SPATA17: variants seen among roughly 807,000 people sequenced by gnomAD.
SPATA17 encodes spermatogenesis-associated protein 17.
SPATA17 carries 53 observed loss-of-function variants against 62.2 expected under a neutral mutation model. That is an observed-to-expected ratio of 0.85 (90% CI 0.68 to 1.07). SPATA17 has a LOEUF of 1.07. Ranked by LOEUF, SPATA17 falls within the 50% of genes least tolerant of loss-of-function variation. The pLI, the probability that SPATA17 is intolerant of heterozygous loss-of-function variation, is 0.00. For synonymous variants in SPATA17, 146 were observed against 146.8 expected (o/e 0.99, Z 0.04); for missense variants, 466 against 425.5 (o/e 1.10, Z -0.84).
At chr1:217,801,599 T>C (rs1674313772) in intron 8 of SPATA17, 119 bp from the exon 9 acceptor site, 1 of 730,052 alleles carries the variant, frequency 1.4e-6, no homozygotes, top group Non-Finnish European at 2.1e-6. Context: ...AATCTAGGTA[T>C]TCTGATTCTA....
chr1:217,641,531 TAAG>T (rs2102877334), intron 1 of SPATA17, among the ~76,000 whole-genome samples: 1 of 152,090 alleles, frequency 6.6e-6, no homozygotes, highest in Non-Finnish European at 1.5e-5. Flanking sequence ...ATGAAGATAA[TAAG>T]GAGTTAATGG....
At chr1:217,859,154 TATAA>T (rs1286309805) in intron 9 of SPATA17, among the ~76,000 whole-genome samples, 1 of 146,708 alleles carries the variant, frequency 6.8e-6, no homozygotes, top group Non-Finnish European at 1.5e-5. Context: ...TAATTTTATA[TATAA>T]TATATAAAAT....
chr1:217,685,876 G>A (rs1274352094), intron 5 of SPATA17, among the ~76,000 whole-genome samples: 1 of 152,164 alleles, frequency 6.6e-6, no homozygotes, highest in Non-Finnish European at 1.5e-5. Context: ...AAGAGAAAGA[G>A]TGAGCGAGAA....
At chr1:217,705,430 C>CTTTTTTTTTTTTTTTTTTTTT (rs58138326) in intron 5 of SPATA17, among the ~76,000 whole-genome samples, 2 of 46,606 alleles carry the variant, frequency 4.3e-5, no homozygotes, top group Non-Finnish European at 7.3e-5. Context: ...TTCTAGTTGT[C>CTTTTTTTTTTTTTTTTTTTTT]TTTTTTTTTT....
intron 8 of SPATA17, 116 bp downstream of exon 8, chr1:217,782,438 C>A: frequency 8.8e-7 from 1 of 1,141,010 alleles, no homozygotes; most frequent in Admixed American, 3.4e-5. Context: ...GGTAAAGCCA[C>A]CCCTGACCTG....
At chr1:217,791,841 C>G (rs1216374865) in intron 8 of SPATA17, among the ~76,000 whole-genome samples, 2 of 152,106 alleles carry the variant, frequency 1.3e-5, no homozygotes, top group African/African-American at 2.4e-5. Context: ...TCAATGGGGT[C>G]AGAGGCCAGA....
chr1:217,658,423 C>A (rs1670488194), intron 3 of SPATA17, among the ~76,000 whole-genome samples: 1 of 152,146 alleles, frequency 6.6e-6, no homozygotes, highest in Non-Finnish European at 1.5e-5. Flanking sequence ...GATGCTGATA[C>A]CACATACAGA....
chr1:217,635,050 T>A (rs568626622), intron 1 of SPATA17, among the ~76,000 whole-genome samples: 4 of 152,252 alleles, frequency 2.6e-5, no homozygotes, highest in African/African-American at 9.6e-5. Flanking sequence ...GAGAAAAGAG[T>A]TCAGTATATG....
At chr1:217,647,509 T>G (rs1359935606) in intron 1 of SPATA17, among the ~76,000 whole-genome samples, 34 of 152,202 alleles carry the variant, frequency 2.2e-4, no homozygotes. Context: ...TCCTTCGATG[T>G]TTCAAGTTTA....
intron 5 of SPATA17, among the ~76,000 whole-genome samples, chr1:217,732,727 C>G (rs1672427828): frequency 6.6e-6 from 1 of 152,008 alleles, no homozygotes; most frequent in Admixed American, 6.6e-5. Context: ...AATATCTGCC[C>G]CCTACCAACC....
chr1:217,805,494 T>C (rs1242937063), intron 9 of SPATA17, among the ~76,000 whole-genome samples: 1 of 151,990 alleles, frequency 6.6e-6, no homozygotes, highest in African/African-American at 2.4e-5. Context: ...TAATAATGTA[T>C]TGTATACTTG....
chr1:217,684,464 G>A (rs1671170092), intron 5 of SPATA17, among the ~76,000 whole-genome samples: 1 of 151,936 alleles, frequency 6.6e-6, no homozygotes, highest in Non-Finnish European at 1.5e-5. Flanking sequence ...ACGCAGGCTG[G>A]AGTGCAGTGG....
intron 5 of SPATA17, among the ~76,000 whole-genome samples, chr1:217,735,535 G>C (rs1162725240): frequency 6.6e-6 from 1 of 152,152 alleles, no homozygotes; most frequent in African/African-American, 2.4e-5. Flanking sequence ...CCTATAGCAG[G>C]ACCTTAGCAT....
At chr1:217,713,152 T>C (rs1236110788) in intron 5 of SPATA17, among the ~76,000 whole-genome samples, 1 of 152,170 alleles carries the variant, frequency 6.6e-6, no homozygotes, top group Non-Finnish European at 1.5e-5. Flanking sequence ...GTATGTAGAA[T>C]GGAGTGAAGG....
At chr1:217,864,959 T>A (rs1472636721) in intron 10 of SPATA17, among the ~76,000 whole-genome samples, 3 of 152,190 alleles carry the variant, frequency 2.0e-5, no homozygotes, top group Non-Finnish European at 4.4e-5. Context: ...TGGTTTTTTT[T>A]AATATTTGCC....
At position 217,631,441 on chromosome 1, in the gene SPATA17, G is replaced by T. The variant is rs1411113772; in HGVS notation, c.63G>T (p.Arg21Ser). The T allele has an allele frequency of 6.2e-7, 1 of 1,614,130 alleles. No individual in the cohort carries two copies. The highest frequency in any genetic ancestry group is 2.2e-5 in the East Asian group (1 of 44,874). ...CTGTAGGAAATCAGTACTACTTTAG[G>T]AACAGGTAAGTCAGGAAGAGAAGGA... ...SSTVGNQYYF[R>S]NSVVDPFRKK... Residue 21 changes from arginine to serine, a missense_variant, in exon 1 of 11, where the codon AGG (arginine) becomes AGT (serine). Arg to Ser is a moderately radical substitution (Grantham distance 110, BLOSUM62 -1). Coordinates refer to ENST00000366933, the MANE Select transcript of SPATA17 (RefSeq NM_138796.4).
At chr1:217,631,592 A>G in intron 1 of SPATA17, 146 bp downstream of exon 1, 1 of 777,344 alleles carries the variant, frequency 1.3e-6, no homozygotes, top group Non-Finnish European at 2.1e-6. Context: ...CTGCAAACAT[A>G]ATTGGGAGTT....
intron 6 of SPATA17, among the ~76,000 whole-genome samples, chr1:217,770,036 A>G (rs959081430): frequency 6.6e-6 from 1 of 152,222 alleles, no homozygotes; most frequent in African/African-American, 2.4e-5. Context: ...TGGTCAGTGT[A>G]GATTCAGCAG....
At chr1:217,863,640 A>G (rs374073052) in intron 10 of SPATA17, among the ~76,000 whole-genome samples, 2 of 152,156 alleles carry the variant, frequency 1.3e-5, no homozygotes, top group African/African-American at 4.8e-5. Context: ...AATGTTTAGA[A>G]GATATATAAG....
Sources: allele counts gnomAD v4.1 joint callset (sites outside exome capture counted in the v4.1 genomes callset), GRCh38; gene constraint gnomAD v4.1.1; transcripts MANE v1.5; gene names NCBI Gene and HGNC (gene_info 2026-07-23, HGNC 2026-07-21).